Variants in CEP128 observed in about 807,000 individuals in gnomAD.
CEP128 encodes centrosomal protein 128kDa.
A neutral mutation model predicts 156.7 loss-of-function variants in CEP128; 132 were observed. The ratio of observed to expected loss-of-function variants is 0.84; its 90% CI spans 0.73 to 0.97. CEP128 has a LOEUF of 0.97. Ranked by LOEUF, CEP128 falls within the 50% of genes least tolerant of loss-of-function variation. The probability of loss-of-function intolerance (pLI) is 0.00; values close to 1 mark genes in which losing one functional copy is unlikely to be tolerated. For missense variants in CEP128, 1,252 were observed against 1,281.9 expected (o/e 0.98, Z 0.36); for synonymous variants, 469 against 448.9 (o/e 1.04, Z -0.57).
At chr14:80,847,871 T>C (rs191800765) in intron 9 of CEP128, among the ~76,000 whole-genome samples, 33 of 152,368 alleles carry the variant, frequency 2.2e-4, no homozygotes, top group Non-Finnish European at 4.3e-4. Flanking sequence ...CCCAGCGCAG[T>C]ACCTGAATTA....
At chr14:80,757,312 C>T (rs1335234922) in intron 17 of CEP128, among the ~76,000 whole-genome samples, 3 of 152,152 alleles carry the variant, frequency 2.0e-5, no homozygotes, top group African/African-American at 7.2e-5. Context: ...TCGTGTTCTA[C>T]ATAATGTACT....
intron 19 of CEP128, among the ~76,000 whole-genome samples, chr14:80,721,606 TTTA>T (rs1191225380): frequency 6.6e-6 from 1 of 152,200 alleles, no homozygotes; most frequent in African/African-American, 2.4e-5. Flanking sequence ...TTTTTAATAT[TTTA>T]TTATCAGAAA....
rs79155538 is a variant in CEP128, at chr14:80,950,006, A to C, written c.-172+8172T>G. ...TCTGTGAATGTGACCTTATTTGGGA[A>C]TAGCATCTTTAACGATATTTAAATT... is the stretch of plus-strand genomic sequence containing the variant. On this transcript the variant is annotated intron_variant, in intron 2 of 7. Coordinates refer to the CEP128 transcript ENST00000555529. Among the ~76,000 whole-genome samples, 5 of 152,358 alleles carry C rather than the reference A, an allele frequency of 3.3e-5. No homozygotes were observed. In the East Asian group the frequency reaches 9.6e-4, roughly 29 times the overall value.
At chr14:80,737,077 T>A (rs1408133264) in intron 19 of CEP128, among the ~76,000 whole-genome samples, 1 of 152,234 alleles carries the variant, frequency 6.6e-6, no homozygotes, top group Non-Finnish European at 1.5e-5. Flanking sequence ...GCGGGCATAA[T>A]TTTTTAAAAA....
intron 9 of CEP128, among the ~76,000 whole-genome samples, chr14:80,843,067 T>A (rs1886421396): frequency 6.6e-6 from 1 of 151,970 alleles, no homozygotes; most frequent in Non-Finnish European, 1.5e-5. Context: ...GTTTTTCTTT[T>A]CAGAGAGTAG....
At chr14:80,512,375 A>AT (rs1888302040) in intron 23 of CEP128, among the ~76,000 whole-genome samples, 1 of 151,580 alleles carries the variant, frequency 6.6e-6, no homozygotes, top group Non-Finnish European at 1.5e-5. Context: ...TTAGAGATCT[A>AT]TTTTTTCTGA....
chr14:80,495,682 G>A (rs1887469665), downstream of CEP128, among the ~76,000 whole-genome samples: 1 of 151,980 alleles, frequency 6.6e-6, no homozygotes, highest in South Asian at 2.1e-4. Flanking sequence ...TTTTTTAAAT[G>A]ACCATAGATG....
intron 24 of CEP128, among the ~76,000 whole-genome samples, chr14:80,498,482 C>CA (rs1353002356): frequency 2.0e-5 from 3 of 152,220 alleles, no homozygotes; most frequent in African/African-American, 7.2e-5. Flanking sequence ...TGCACCCTCT[C>CA]ACTCACTCGC....
At chr14:80,767,824 G>A (rs1339322181) in intron 16 of CEP128, among the ~76,000 whole-genome samples, 1 of 152,102 alleles carries the variant, frequency 6.6e-6, no homozygotes, top group African/African-American at 2.4e-5. Flanking sequence ...TTTGATGCAG[G>A]TTAAAACTTA....
At chr14:80,701,395 C>T (rs1285285629) in intron 19 of CEP128, among the ~76,000 whole-genome samples, 2 of 152,210 alleles carry the variant, frequency 1.3e-5, no homozygotes, top group East Asian at 1.9e-4. Flanking sequence ...TACAGGGAAG[C>T]GCTGCCCAAG....
At chr14:80,762,406 C>T (rs753806787) in intron 16 of CEP128, among the ~76,000 whole-genome samples, 1 of 152,088 alleles carries the variant, frequency 6.6e-6, no homozygotes, top group Non-Finnish European at 1.5e-5. Context: ...AGTCATCACA[C>T]TGTAACCTAA....
rs536338249 is a variant in CEP128 at position 80,916,499 on chromosome 14, A to G, written c.49T>C (p.Leu17=). The G allele has an allele frequency of 1.9e-6, 3 of 1,614,094 alleles. No individual in the cohort carries two copies. Among genetic ancestry groups the G allele is most frequent in the African/African-American group, 1.3e-5 (1 of 75,056 alleles). The part of the protein sequence containing the change: ...ESDHFRCRDR[L]SPWAARSTHR... ...GTTGATCTGGCAGCCCATGGACTCA[A>G]TCGGTCACGACAGCGGAAGTGATCT... Residue 17 remains leucine, a synonymous_variant, in exon 3 of 25, where the codon TTG becomes CTG. Transcript: ENST00000555265.
At chr14:80,792,055 T>C (rs894655212) in intron 14 of CEP128, among the ~76,000 whole-genome samples, 5 of 152,214 alleles carry the variant, frequency 3.3e-5, no homozygotes, top group Non-Finnish European at 7.3e-5. Context: ...CTTATAAACA[T>C]CTGGGTTTAA....
chr14:80,806,323 C>T (rs1228436028), intron 13 of CEP128, among the ~76,000 whole-genome samples: 1 of 152,154 alleles, frequency 6.6e-6, no homozygotes, highest in African/African-American at 2.4e-5. Context: ...ACACTCATCT[C>T]TTTGGGAAGA....
chr14:80,877,698 G>A (rs1365841965), intron 8 of CEP128, among the ~76,000 whole-genome samples: 6 of 152,140 alleles, frequency 3.9e-5, no homozygotes, highest in Admixed American at 3.9e-4. Context: ...CCCCCCAGTT[G>A]GGGTCAGCCC....
intron 19 of CEP128, among the ~76,000 whole-genome samples, chr14:80,709,012 A>AT (rs1194680360): frequency 1.3e-5 from 2 of 151,938 alleles, no homozygotes; most frequent in African/African-American, 4.8e-5. Flanking sequence ...CTTCTAGTCA[A>AT]TTTTTTTAAA....
chr14:80,610,101 T>C (rs1892937369), intron 19 of CEP128, among the ~76,000 whole-genome samples: 1 of 152,190 alleles, frequency 6.6e-6, no homozygotes, highest in Non-Finnish European at 1.5e-5. Flanking sequence ...AAATAATATA[T>C]AAAACTTTCA....
intron 21 of CEP128, among the ~76,000 whole-genome samples, chr14:80,541,047 TA>T (rs1457171528): frequency 2.0e-5 from 3 of 152,116 alleles, no homozygotes; most frequent in Non-Finnish European, 4.4e-5. Flanking sequence ...CAAGACATAG[TA>T]AAAAAGATCA....
chr14:80,570,068 T>C (rs867030887), intron 20 of CEP128, among the ~76,000 whole-genome samples: 1 of 152,172 alleles, frequency 6.6e-6, no homozygotes, highest in Non-Finnish European at 1.5e-5. Context: ...CAAAACTATT[T>C]ATTGTAAGTT....
Sources: allele counts gnomAD v4.1 joint callset (sites outside exome capture counted in the v4.1 genomes callset), GRCh38; gene constraint gnomAD v4.1.1; transcripts MANE v1.5; gene names NCBI Gene and HGNC (gene_info 2026-07-23, HGNC 2026-07-21).